The following LOC400499 variants were observed in gnomAD, a reference collection of about 807,000 sequenced individuals.
chr16:11,385,459 C>G, the LOC400499 span: 4 of 1,205,548 alleles, frequency 3.3e-6, no homozygotes, highest in Non-Finnish European at 4.2e-6. Flanking sequence ...GGGGCCAGCT[C>G]CACCCACCGC....
At chr16:11,492,569 G>C in the LOC400499 span, among the ~76,000 whole-genome samples, 1 of 151,910 alleles carries the variant, frequency 6.6e-6, no homozygotes, top group Non-Finnish European at 1.5e-5. Context: ...AGGATCATGA[G>C]GTCAGGAGAT....
At chr16:11,393,156 C>CA in the LOC400499 span, among the ~76,000 whole-genome samples, 3 of 20,686 alleles carry the variant, frequency 1.5e-4, no homozygotes, top group South Asian at 2.9e-3. Context: ...GCCTGGCCAC[C>CA]CCCCCCCCTT....
At chr16:11,455,910 A>G in the LOC400499 span, among the ~76,000 whole-genome samples, 1 of 152,104 alleles carries the variant, frequency 6.6e-6, no homozygotes, top group African/African-American at 2.4e-5. Context: ...AAGAGCAGAG[A>G]GCATAATACA....
chr16:11,446,451 C>A, the LOC400499 span: 1 of 1,141,560 alleles, frequency 8.8e-7, no homozygotes, highest in Non-Finnish European at 1.3e-6. Context: ...AGCCACTGCA[C>A]TCAGTCCAGA....
the LOC400499 span, among the ~76,000 whole-genome samples, chr16:11,523,086 G>T: frequency 6.6e-6 from 1 of 152,128 alleles, no homozygotes; most frequent in Non-Finnish European, 1.5e-5. Context: ...TGTTCCCAAG[G>T]TTCTTTCATC....
chr16:11,386,825 C>A, the LOC400499 span, among the ~76,000 whole-genome samples: 4 of 152,376 alleles, frequency 2.6e-5, no homozygotes, highest in South Asian at 8.3e-4. Flanking sequence ...TCAGTCAGTT[C>A]TCTTCCAGCT....
At chr16:11,451,583 A>C in the LOC400499 span, among the ~76,000 whole-genome samples, 13 of 149,276 alleles carry the variant, frequency 8.7e-5, no homozygotes, top group African/African-American at 3.2e-4. Flanking sequence ...AACAAACAAA[A>C]AACCAAACAA....
At chr16:11,399,190 C>G in the LOC400499 span, 1 of 984,948 alleles carries the variant, frequency 1.0e-6, no homozygotes, top group South Asian at 4.7e-5. Flanking sequence ...CCTCCGCCCC[C>G]TCCCGAGAAG....
the LOC400499 span, chr16:11,461,205 T>C: frequency 6.9e-7 from 1 of 1,447,132 alleles, no homozygotes; most frequent in Non-Finnish European, 9.1e-7. Flanking sequence ...GACTCAGGTA[T>C]CACCGAGGGG....
chr16:11,443,382 A>T, the LOC400499 span: 1 of 424,630 alleles, frequency 2.4e-6, no homozygotes, highest in Non-Finnish European at 4.6e-6. Context: ...CTGTGCATGA[A>T]CCTGGGACGT....
the LOC400499 span, among the ~76,000 whole-genome samples, chr16:11,398,834 A>G: frequency 6.6e-6 from 1 of 151,676 alleles, no homozygotes; most frequent in Non-Finnish European, 1.5e-5. Context: ...TTTTTTTTTA[A>G]TTCTTTAGTA....
At chr16:11,504,886 G>A in the LOC400499 span, among the ~76,000 whole-genome samples, 1 of 151,974 alleles carries the variant, frequency 6.6e-6, no homozygotes, top group South Asian at 2.1e-4. Context: ...TCGCACAACT[G>A]CACTCCAGCC....
chr16:11,383,882 TCAC>T, the LOC400499 span: 1 of 1,232,076 alleles, frequency 8.1e-7, no homozygotes, highest in Non-Finnish European at 1.0e-6. Context: ...AGGCTCACAC[TCAC>T]CACCCGGAAG....
chr16:11,433,530 C>CTCCT, the LOC400499 span, among the ~76,000 whole-genome samples: 7 of 152,278 alleles, frequency 4.6e-5, no homozygotes, highest in East Asian at 1.3e-3. Context: ...TGACACAGAG[C>CTCCT]TCCTAATCCC....
chr16:11,401,315 G>A, the LOC400499 span: 1 of 399,254 alleles, frequency 2.5e-6, no homozygotes, highest in Non-Finnish European at 4.4e-6. Flanking sequence ...ACTGGCCTCG[G>A]CTTGCCGCCA....
the LOC400499 span, among the ~76,000 whole-genome samples, chr16:11,416,634 G>C: frequency 6.6e-6 from 1 of 152,156 alleles, no homozygotes; most frequent in Non-Finnish European, 1.5e-5. Flanking sequence ...TACACAGTGT[G>C]TTCAAATGAC....
At chr16:11,450,298 G>GT in the LOC400499 span, among the ~76,000 whole-genome samples, 8 of 152,200 alleles carry the variant, frequency 5.3e-5, no homozygotes, top group Non-Finnish European at 7.3e-5. Context: ...TTTTCACTCT[G>GT]TTTTTTTGGC....
At chr16:11,434,742 CAACCCT>C in the LOC400499 span, among the ~76,000 whole-genome samples, 1 of 152,296 alleles carries the variant, frequency 6.6e-6, no homozygotes, top group African/African-American at 2.4e-5. Context: ...ACCATTAGGA[CAACCCT>C]AAGAAGCAGG....
chr16:11,385,701 GC>G, the LOC400499 span, among the ~76,000 whole-genome samples: 6 of 152,370 alleles, frequency 3.9e-5, 1 homozygote, highest in South Asian at 1.2e-3. Flanking sequence ...TGGCTCAAAT[GC>G]CACAGGGTCT....
Sources: gnomAD v4.1 joint callset for allele counts (sites outside exome capture counted in the v4.1 genomes callset) on GRCh38, gnomAD v4.1.1 for gene constraint, MANE v1.5 for transcripts.